The following ADCYAP1R1 variants were observed in gnomAD, a reference collection of about 807,000 sequenced individuals.
ADCYAP1R1 encodes the protein pituitary adenylate cyclase-activating polypeptide type I receptor.
Under a neutral mutation model 67.6 loss-of-function variants are expected in ADCYAP1R1, and 44 were observed. That is an observed-to-expected ratio of 0.65 (90% CI 0.51 to 0.84). The LOEUF (loss-of-function observed/expected upper bound fraction) is 0.84. Ranked by LOEUF, ADCYAP1R1 falls within the 40% of genes least tolerant of loss-of-function variation. ADCYAP1R1 has a pLI of 0.00. For synonymous variants in ADCYAP1R1, 222 were observed against 219.6 expected, an observed-to-expected ratio of 1.01 and a Z score of -0.10; for missense variants, 477 against 587.9, an observed-to-expected ratio of 0.81 and a Z score of 1.95.
At chr7:31,095,890 C>G (rs2267735) in intron 13 of ADCYAP1R1, 313,416 of 619,342 alleles carry the variant, frequency 0.51, 80,470 homozygotes, top group Non-Finnish European at 0.53. Context: ...CTCGTCCTCT[C>G]TGACCTGATG....
intron 6 of ADCYAP1R1, among the ~76,000 whole-genome samples, chr7:31,082,471 C>G (rs903732078): frequency 1.3e-5 from 2 of 152,212 alleles, no homozygotes; most frequent in Non-Finnish European, 2.9e-5. Context: ...AGAAAGGAAA[C>G]CGCTTTTCCT....
At chr7:31,065,393 A>G (rs1794692814) in intron 3 of ADCYAP1R1, among the ~76,000 whole-genome samples, 1 of 152,146 alleles carries the variant, frequency 6.6e-6, no homozygotes, top group Non-Finnish European at 1.5e-5. Flanking sequence ...AGCAGCAGGA[A>G]CTTCAGTCTT....
chr7:31,086,564 G>GGTTCAGGTCCCGTGGTCAGGTGT lies in ADCYAP1R1; in HGVS notation c.823+30_823+52dup. On this transcript the variant is annotated intron_variant, in intron 10 of 15. Coordinates refer to ENST00000304166, the MANE Select transcript of ADCYAP1R1 (RefSeq NM_001118.5). The surrounding 1 kb of genome is among the most constrained non-coding windows in gnomAD (Gnocchi z 5.0). ...TAGGTTCCTGGCTGTGGCTTGGACAGGTTCAGGTCCCGTGGTCAGGTGTGT... is the reference window on the plus strand; with the variant it reads ...TAGGTTCCTGGCTGTGGCTTGGACAGGTTCAGGTCCCGTGGTCAGGTGTGTTCAGGTCCCGTGGTCAGGTGTGT... 1 of 1,613,736 alleles carries GGTTCAGGTCCCGTGGTCAGGTGT rather than the reference G, an allele frequency of 6.2e-7. No homozygotes were observed. Among genetic ancestry groups the GGTTCAGGTCCCGTGGTCAGGTGT allele is most frequent in the Non-Finnish European group, 8.5e-7 (1 of 1,179,754 alleles).
Position 31,085,532 on chromosome 7 carries a change from C to T in ADCYAP1R1, c.669+90C>T, listed in dbSNP as rs563443665. 5.6e-6 allele frequency: 8 copies of T among 1,433,428 alleles called. No individual in the cohort carries two copies. The African/African-American group carries it at 1.1e-4, about 20-fold the overall frequency. The allele number at this position is 1,433,428 out of a possible 1,614,324, so 88.8% of individuals were successfully genotyped here. ...CCCAGGACGCACATTACCTGCCTGACACCCTGCAGATCAAGTGTGTCCCTG... is the reference window on the plus strand; with the variant it reads ...CCCAGGACGCACATTACCTGCCTGATACCCTGCAGATCAAGTGTGTCCCTG... On this transcript the variant is annotated intron_variant, in intron 9 of 15. Transcript: ENST00000304166.
chr7:31,104,776 T>A, intron 14 of ADCYAP1R1, 92 bp from the exon 15 acceptor site: 1 of 1,425,422 alleles, frequency 7.0e-7, no homozygotes. Flanking sequence ...CATGGTGTAT[T>A]TCTGCTTCCT....
At chr7:31,105,867 A>T (rs889078401) in intron 15 of ADCYAP1R1, among the ~76,000 whole-genome samples, 5 of 152,210 alleles carry the variant, frequency 3.3e-5, no homozygotes, top group African/African-American at 1.2e-4. Flanking sequence ...CAGTCTGTGC[A>T]CTGCACGAAG....
At chr7:31,067,167 C>T (rs1386423121) in intron 3 of ADCYAP1R1, among the ~76,000 whole-genome samples, 1 of 152,174 alleles carries the variant, frequency 6.6e-6, no homozygotes, top group Non-Finnish European at 1.5e-5. Context: ...AATAGCTCTC[C>T]TTTAACCCTG....
chr7:31,075,740 G>T (rs1795183259), intron 3 of ADCYAP1R1, among the ~76,000 whole-genome samples: 1 of 152,284 alleles, frequency 6.6e-6, no homozygotes, highest in Middle Eastern at 3.4e-3. Flanking sequence ...TGTTGGTGGG[G>T]GGCTTGTGAC....
intron 6 of ADCYAP1R1, among the ~76,000 whole-genome samples, chr7:31,082,674 T>C (rs1035452720): frequency 9.9e-5 from 15 of 152,172 alleles, no homozygotes; most frequent in African/African-American, 3.6e-4. Flanking sequence ...GGAGGTTGCC[T>C]GAGACAGATT....
At chr7:31,074,014 G>C (rs1795098576) in intron 3 of ADCYAP1R1, among the ~76,000 whole-genome samples, 1 of 152,174 alleles carries the variant, frequency 6.6e-6, no homozygotes, top group Non-Finnish European at 1.5e-5. Flanking sequence ...CTGGGGTGGG[G>C]CACCTTAGCA....
At chr7:31,101,661 G>A (rs1458222052) in intron 13 of ADCYAP1R1, among the ~76,000 whole-genome samples, 1 of 152,158 alleles carries the variant, frequency 6.6e-6, no homozygotes, top group Non-Finnish European at 1.5e-5. Context: ...AGACCCGAGC[G>A]CCCAAGAGAG....
At chr7:31,095,188 A>G (rs137884432) in intron 13 of ADCYAP1R1, among the ~76,000 whole-genome samples, 248 of 152,330 alleles carry the variant, frequency 1.6e-3, no homozygotes, top group African/African-American at 5.6e-3. Flanking sequence ...CTGGTGGAAT[A>G]GGTAAATCAC....
At chr7:31,090,764 G>A (rs1241587870) in intron 12 of ADCYAP1R1, among the ~76,000 whole-genome samples, 1 of 152,176 alleles carries the variant, frequency 6.6e-6, no homozygotes, top group Non-Finnish European at 1.5e-5. Flanking sequence ...TCTTTTTATG[G>A]CTGTGTAGTA....
rs550103455 is a variant in ADCYAP1R1 at position 31,085,119 on chromosome 7, G to T, written c.537-191G>T. Among the ~76,000 whole-genome samples the T allele has an allele frequency of 2.0e-5, 3 of 152,212 alleles. No individual in the cohort carries two copies. The South Asian group carries it at 6.2e-4, about 32-fold the overall frequency. On this transcript the variant is annotated intron_variant, in intron 8 of 15. Coordinates refer to ENST00000304166, the MANE Select transcript of ADCYAP1R1 (RefSeq NM_001118.5). ...ACAGGAGGGAGAAGTCTGGCCATGT[G>T]GGGTGGTGGAGCTGGGTTATAGGGG...
At position 31,108,971 on chromosome 7, in the gene ADCYAP1R1, C is replaced by T. The variant is rs1389955133; in HGVS notation, c.*2287C>T. 5 of 152,222 alleles carry T rather than the reference C, an allele frequency of 3.3e-5. No individual in the cohort carries two copies. The highest frequency in any genetic ancestry group is 6.5e-5 in the Admixed American group (1 of 15,286). 9.4% of individuals were successfully genotyped at this position (152,222 alleles called of 1,614,324 possible). A position where few individuals can be genotyped will look rare whatever the true frequency, so the allele number is the denominator to read the frequency against. ...CCTTGCTGGGGTGGGGTGCCACCTC[C>T]AGTGGCCAGCTCCAGATCCAAGGAG... On this transcript the variant is annotated 3_prime_UTR_variant, in exon 16 of 16. Coordinates refer to ENST00000304166, the MANE Select transcript of ADCYAP1R1 (RefSeq NM_001118.5).
In ADCYAP1R1 at chr7:31,064,834, C is replaced by G; in HGVS notation, c.55C>G (p.Pro19Ala). The change falls in exon 3 of 16, where the codon CCT (proline) becomes GCT (alanine). Residue 19 changes from proline to alanine, a missense_variant. By Grantham distance (27) the Pro-to-Ala change is conservative. Transcript: ENST00000304166. ...LAALLLLPMA[P>A]AMHSDCIFKK... ...TCCATCCTGTGTTCTCCTACAGGCCCCTGCCATGCATTCTGACTGCATCTT... is the reference window on the plus strand; with the variant it reads ...TCCATCCTGTGTTCTCCTACAGGCCGCTGCCATGCATTCTGACTGCATCTT... 6.2e-7 allele frequency: 1 copy of G among 1,609,986 alleles called. No individual in the cohort carries two copies. The highest frequency in any genetic ancestry group is 8.5e-7 in the Non-Finnish European group (1 of 1,177,884).
chr7:31,088,159 A>T (rs1399244739), intron 12 of ADCYAP1R1, among the ~76,000 whole-genome samples: 1 of 152,220 alleles, frequency 6.6e-6, no homozygotes, highest in East Asian at 1.9e-4. Flanking sequence ...TATAATTTTA[A>T]TGTACATTTC....
intron 13 of ADCYAP1R1, among the ~76,000 whole-genome samples, chr7:31,100,854 C>G (rs1269774898): frequency 6.6e-6 from 1 of 152,162 alleles, no homozygotes; most frequent in East Asian, 1.9e-4. Context: ...TTTGGACATC[C>G]CTTTTACTTA....
At chr7:31,070,579 GCTT>G (rs1291309766) in intron 3 of ADCYAP1R1, among the ~76,000 whole-genome samples, 1 of 152,238 alleles carries the variant, frequency 6.6e-6, no homozygotes, top group Non-Finnish European at 1.5e-5. Context: ...AGCAGGAGGA[GCTT>G]CTTGTCTGGG....
Sources: gnomAD v4.1 joint callset for allele counts (sites outside exome capture counted in the v4.1 genomes callset) on GRCh38, gnomAD v4.1.1 for gene constraint, Gnocchi (gnomAD v3.1) non-coding constraint, MANE v1.5 for transcripts, NCBI Gene and HGNC (gene_info 2026-07-23, HGNC 2026-07-21) for gene names.